The following LYPD6 variants were observed in gnomAD, a reference collection of about 807,000 sequenced individuals.
LYPD6 encodes the protein LY6/PLAUR domain containing 6.
A neutral mutation model predicts 22.7 loss-of-function variants in LYPD6; 15 were observed. The ratio of observed to expected loss-of-function variants is 0.66; its 90% CI spans 0.44 to 1.02. The LOEUF (loss-of-function observed/expected upper bound fraction) is 1.02, where lower values mean the gene tolerates loss of function less well. Ranked by LOEUF, LYPD6 falls within the 50% of genes least tolerant of loss-of-function variation. The pLI is 0.00. For missense variants in LYPD6, 189 were observed against 208.4 expected (o/e 0.91, Z 0.57); for synonymous variants, 72 against 77.5 (o/e 0.93, Z 0.37).
At position 149,383,459 on chromosome 2, in the gene LYPD6, G is replaced by A. The variant is rs116260157; in HGVS notation, c.-72+52737G>A. Reference sequence around the variant, plus strand: ...TATCACAAAATTAAACTCAACATCTGTTTAACATCAGAGAGATTTGATGAT... The same window carrying A: ...TATCACAAAATTAAACTCAACATCTATTTAACATCAGAGAGATTTGATGAT... On this transcript the variant is annotated intron_variant, in intron 1 of 4. Coordinates refer to ENST00000334166, the MANE Select transcript of LYPD6 (RefSeq NM_194317.5). Among the ~76,000 whole-genome samples, 917 of 152,150 alleles carry A rather than the reference G, an allele frequency of 6.0e-3. 5 individuals carry two copies. Among genetic ancestry groups the A allele is most frequent in the African/African-American group, 0.021 (878 of 41,522 alleles).
rs1681331460 is a variant in LYPD6, at chr2:149,471,417, T to G, written c.*567T>G. 1 of 152,228 alleles carries G rather than the reference T, an allele frequency of 6.6e-6. No individual in the cohort carries two copies. Among genetic ancestry groups the G allele is most frequent in the African/African-American group, 2.4e-5 (1 of 41,446 alleles). The allele number at this position is 152,228 out of a possible 1,614,324, so 9.4% of individuals were successfully genotyped here. On this transcript the variant is annotated 3_prime_UTR_variant, in exon 5 of 5. Transcript: ENST00000334166. ...TCAATTAATTTTCCCAACATTCTTC[T>G]CCCAGTGCTGGGAATCACATTTCCT...
chr2:149,330,571 CT>C (rs1159154317), upstream of LYPD6: 1 of 151,124 alleles, frequency 6.6e-6, no homozygotes, highest in African/African-American at 2.4e-5. Context: ...CCCCCCGCCT[CT>C]CCCCGCTGCG....
At chr2:149,460,362 G>A (rs1212906602) in intron 3 of LYPD6, among the ~76,000 whole-genome samples, 4 of 152,040 alleles carry the variant, frequency 2.6e-5, no homozygotes, top group African/African-American at 9.7e-5. Context: ...AAAGACTTCA[G>A]TGCAGATAAA....
chr2:149,426,009 A>G (rs1267889828), intron 1 of LYPD6, among the ~76,000 whole-genome samples: 1 of 152,238 alleles, frequency 6.6e-6, no homozygotes, highest in Admixed American at 6.5e-5. Context: ...TAAAACATTC[A>G]TTATCAAGTG....
intron 1 of LYPD6, among the ~76,000 whole-genome samples, chr2:149,403,692 C>G (rs1682619016): frequency 6.6e-6 from 1 of 151,748 alleles, no homozygotes; most frequent in African/African-American, 2.4e-5. Context: ...TGCCTGTTCA[C>G]TCTGATGGTA....
intron 1 of LYPD6, among the ~76,000 whole-genome samples, chr2:149,429,324 C>T (rs1683262531): frequency 6.6e-6 from 1 of 151,982 alleles, no homozygotes; most frequent in Admixed American, 6.6e-5. Flanking sequence ...TTTGGGAGGA[C>T]CTGATGAGAA....
intron 1 of LYPD6, among the ~76,000 whole-genome samples, chr2:149,386,040 A>G (rs941124908): frequency 6.6e-6 from 1 of 152,196 alleles, no homozygotes; most frequent in Middle Eastern, 3.2e-3. Flanking sequence ...ACAATTGCCT[A>G]TGTTTTCCAA....
intron 2 of LYPD6, among the ~76,000 whole-genome samples, chr2:149,445,843 CT>C (rs1320098880): frequency 6.6e-6 from 1 of 152,208 alleles, no homozygotes; most frequent in East Asian, 1.9e-4. Context: ...GCACTTTTAA[CT>C]TCCTTCAAGA....
chr2:149,460,707 C>T (rs894743930), intron 3 of LYPD6, among the ~76,000 whole-genome samples: 3 of 152,084 alleles, frequency 2.0e-5, no homozygotes, highest in Non-Finnish European at 4.4e-5. Flanking sequence ...GACCATGGAA[C>T]ACATACCAAA....
intron 1 of LYPD6, among the ~76,000 whole-genome samples, chr2:149,355,645 A>T (rs755445771): frequency 3.9e-5 from 6 of 152,150 alleles, no homozygotes; most frequent in Non-Finnish European, 8.8e-5. Context: ...GGTCAGCAAG[A>T]CAAGGGACTT....
intron 1 of LYPD6, among the ~76,000 whole-genome samples, chr2:149,333,780 G>C (rs549294901): frequency 6.6e-6 from 1 of 152,024 alleles, no homozygotes; most frequent in Non-Finnish European, 1.5e-5. Context: ...GTTAGCTGTT[G>C]GTATCATACA....
intron 1 of LYPD6, among the ~76,000 whole-genome samples, chr2:149,351,065 T>C (rs924419979): frequency 6.6e-6 from 1 of 152,244 alleles, no homozygotes; most frequent in Non-Finnish European, 1.5e-5. Flanking sequence ...GTCATTTTTA[T>C]GGTCTTAAAG....
chr2:149,465,151 A>T (rs1573830345), intron 3 of LYPD6, among the ~76,000 whole-genome samples: 1 of 152,194 alleles, frequency 6.6e-6, no homozygotes, highest in East Asian at 1.9e-4. Context: ...TATTAGGGAA[A>T]GTGTTGAAAG....
At chr2:149,423,402 A>T (rs1683122953) in intron 1 of LYPD6, among the ~76,000 whole-genome samples, 1 of 152,250 alleles carries the variant, frequency 6.6e-6, no homozygotes, top group East Asian at 1.9e-4. Context: ...GAAGGGGGGA[A>T]ATTTTGATAG....
intron 1 of LYPD6, among the ~76,000 whole-genome samples, chr2:149,431,432 GA>G (rs1238819176): frequency 1.3e-5 from 2 of 152,202 alleles, no homozygotes; most frequent in Non-Finnish European, 2.9e-5. Context: ...AATCTATGAG[GA>G]AAAGATACAT....
chr2:149,369,931 G>A (rs1169952389), intron 1 of LYPD6, among the ~76,000 whole-genome samples: 1 of 151,950 alleles, frequency 6.6e-6, no homozygotes, highest in Non-Finnish European at 1.5e-5. Flanking sequence ...GCTGAAGGAG[G>A]GCATAACTGA....
chr2:149,462,718 G>C (rs1395634916), intron 3 of LYPD6, among the ~76,000 whole-genome samples: 1 of 151,926 alleles, frequency 6.6e-6, no homozygotes, highest in Non-Finnish European at 1.5e-5. Flanking sequence ...AATAGACATA[G>C]ATCAATTAAA....
intron 1 of LYPD6, among the ~76,000 whole-genome samples, chr2:149,427,246 G>A (rs1361733593): frequency 1.3e-5 from 2 of 152,204 alleles, no homozygotes; most frequent in South Asian, 2.1e-4. Context: ...CTACTATATT[G>A]TTTCTGAGTA....
At chr2:149,378,960 A>G (rs1185903488) in intron 1 of LYPD6, among the ~76,000 whole-genome samples, 1 of 152,258 alleles carries the variant, frequency 6.6e-6, no homozygotes, top group East Asian at 1.9e-4. Context: ...AGTAACTGAC[A>G]TTTAACAGAG....
Sources: gnomAD v4.1 joint callset for allele counts (sites outside exome capture counted in the v4.1 genomes callset) on GRCh38, gnomAD v4.1.1 for gene constraint, MANE v1.5 for transcripts, NCBI Gene and HGNC (gene_info 2026-07-23, HGNC 2026-07-21) for gene names.